Variants in HEXB observed in about 807,000 individuals in gnomAD.
HEXB encodes hexosaminidase subunit beta, also known as beta-hexosaminidase subunit beta.
HEXB carries 51 observed loss-of-function variants against 71.2 expected under a neutral mutation model. That is an observed-to-expected ratio of 0.72 (90% CI 0.57 to 0.90). The LOEUF is 0.90. HEXB is among the 40% of genes least tolerant of loss of function. The pLI is 0.00. For synonymous variants in HEXB, 266 were observed against 249.3 expected (o/e 1.07, Z -0.63); for missense variants, 617 against 677.0 (o/e 0.91, Z 0.98).
At chr5:74,703,321 A>T (rs1338023789) in intron 5 of HEXB, among the ~76,000 whole-genome samples, 4 of 152,312 alleles carry the variant, frequency 2.6e-5, no homozygotes, top group African/African-American at 7.2e-5. Context: ...TGCCTCTTAC[A>T]TCCCTTGCAG....
rs986069370 is a variant in HEXB, at chr5:74,672,453, C to T, written c.-376-16875C>T. On this transcript the variant is annotated intron_variant, in intron 1 of 13. Transcript: ENST00000511181. Reference sequence around the variant, plus strand: ...CTGTAAGTCCTGGTGAGAAGTGAGCCCTCACTCCATGCCCCAGAGTCAGAT... The same window carrying T: ...CTGTAAGTCCTGGTGAGAAGTGAGCTCTCACTCCATGCCCCAGAGTCAGAT... Among the ~76,000 whole-genome samples the T allele has an allele frequency of 3.3e-5, 5 of 152,208 alleles. No individual in the cohort carries two copies. In the South Asian group the frequency reaches 6.2e-4, roughly 19 times the overall value.
At chr5:74,719,923 C>G (rs1164035778) in intron 11 of HEXB, 2 of 151,250 alleles carry the variant, frequency 1.3e-5, no homozygotes, top group Non-Finnish European at 2.8e-5. Context: ...CCTGGGTGAC[C>G]AAGCAAGACT....
At chr5:74,661,002 A>G (rs896605874) in intron 1 of HEXB, among the ~76,000 whole-genome samples, 11 of 152,202 alleles carry the variant, frequency 7.2e-5, no homozygotes, top group Non-Finnish European at 1.6e-4. Context: ...CAAGAAATCC[A>G]TGGGTCAGTG....
chr5:74,676,834 A>T lies in HEXB; in HGVS notation c.-376-12494A>T, dbSNP rs141796317. Among the ~76,000 whole-genome samples, 230 of 152,306 alleles carry T rather than the reference A, an allele frequency of 1.5e-3. 1 individual carries two copies. The highest frequency in any genetic ancestry group is 5.3e-3 in the African/African-American group (221 of 41,574). On this transcript the variant is annotated intron_variant, in intron 1 of 13. Coordinates refer to the HEXB transcript ENST00000511181. ...TAGTTGTTTATCCAGAATTTACATTAAAATAACATAAGCTATTGATTGGCT... is the reference window on the plus strand; with the variant it reads ...TAGTTGTTTATCCAGAATTTACATTTAAATAACATAAGCTATTGATTGGCT...
At chr5:74,683,054 T>C (rs958754899), upstream of HEXB, among the ~76,000 whole-genome samples, 3 of 152,142 alleles carry the variant, frequency 2.0e-5, no homozygotes, top group Admixed American at 2.0e-4. Flanking sequence ...ATCAACCTAA[T>C]GGTAATAGAG....
At chr5:74,712,436 TAAAA>T (rs763101911) in intron 6 of HEXB, among the ~76,000 whole-genome samples, 1 of 115,218 alleles carries the variant, frequency 8.7e-6, no homozygotes, top group Non-Finnish European at 1.9e-5. Flanking sequence ...ATGATAATAA[TAAAA>T]AAAAGAAATG....
At chr5:74,682,960 C>G (rs1748767029), upstream of HEXB, among the ~76,000 whole-genome samples, 1 of 152,082 alleles carries the variant, frequency 6.6e-6, no homozygotes, top group Non-Finnish European at 1.5e-5. Flanking sequence ...GCTCAAAGAC[C>G]CAGGAAAAGC....
rs555559350 is a variant in HEXB, at chr5:74,709,841, C to T, written c.772-3665C>T. The stretch of plus-strand genomic sequence containing the variant: ...GTCCAGGACCAGATGGATTCACAGC[C>T]GAATTCTACCAGAGGTACAAGGAGG... On this transcript the variant is annotated intron_variant, in intron 6 of 13. Coordinates refer to ENST00000261416, the MANE Select transcript of HEXB (RefSeq NM_000521.4). Among the ~76,000 whole-genome samples the T allele has an allele frequency of 2.3e-4, 35 of 152,200 alleles. No individual in the cohort carries two copies. In the East Asian group the frequency reaches 5.8e-3, roughly 25 times the overall value.
At chr5:74,688,541 C>T (rs1487799482) in intron 1 of HEXB, among the ~76,000 whole-genome samples, 1 of 152,066 alleles carries the variant, frequency 6.6e-6, no homozygotes, top group East Asian at 1.9e-4. Context: ...TTTTTAGTTT[C>T]ACTATGTGGG....
intron 6 of HEXB, among the ~76,000 whole-genome samples, chr5:74,712,553 A>T (rs1749573980): frequency 6.6e-6 from 1 of 152,090 alleles, no homozygotes; most frequent in Non-Finnish European, 1.5e-5. Flanking sequence ...AAGCTCCATA[A>T]TTGTGGTGAG....
chr5:74,657,726 C>A (rs1299340695), intron 1 of HEXB, among the ~76,000 whole-genome samples: 1 of 152,134 alleles, frequency 6.6e-6, no homozygotes, highest in East Asian at 1.9e-4. Context: ...ACACTTGACG[C>A]TTGTTATTTG....
chr5:74,717,782 C>T lies in HEXB; in HGVS notation c.1170-509C>T, dbSNP rs372736417. ...ATGCTGTACCATTTATTTGGCAAGC[C>T]CAGATTCCAGCCTTTGCCTGTTCAG... On this transcript the variant is annotated intron_variant, in intron 9 of 13. Transcript: ENST00000261416. 9.9e-5 allele frequency among the ~76,000 whole-genome samples: 15 copies of T among 152,232 alleles called. No individual in the cohort carries two copies. The East Asian group carries it at 2.5e-3, about 26-fold the overall frequency.
intron 6 of HEXB, among the ~76,000 whole-genome samples, chr5:74,709,701 A>C (rs1442912248): frequency 6.6e-6 from 1 of 152,298 alleles, no homozygotes; most frequent in Non-Finnish European, 1.5e-5. Context: ...GAAATGGATA[A>C]ATTCCTCCAC....
intron 2 of HEXB, among the ~76,000 whole-genome samples, chr5:74,691,364 A>G (rs904655416): frequency 6.6e-6 from 1 of 152,372 alleles, no homozygotes; most frequent in East Asian, 1.9e-4. Context: ...ACATAAATCA[A>G]GGATGTTTGA....
At chr5:74,691,985 T>C (rs1749013459) in intron 2 of HEXB, among the ~76,000 whole-genome samples, 3 of 152,198 alleles carry the variant, frequency 2.0e-5, no homozygotes, top group African/African-American at 7.2e-5. Context: ...AAACCAAATT[T>C]CTAATTGTTA....
At chr5:74,672,162 A>G (rs751443496) in intron 1 of HEXB, among the ~76,000 whole-genome samples, 2 of 152,140 alleles carry the variant, frequency 1.3e-5, no homozygotes, top group Non-Finnish European at 2.9e-5. Context: ...TGAACTGTCA[A>G]AGTGGTCACC....
At chr5:74,716,005 A>G (rs1749662692) in intron 8 of HEXB, among the ~76,000 whole-genome samples, 1 of 122,998 alleles carries the variant, frequency 8.1e-6, no homozygotes, top group East Asian at 2.4e-4. Flanking sequence ...TGACAGAGTG[A>G]GACTCCATCT....
In HEXB at chr5:74,670,488, C is replaced by T. The variant is rs142204628; in HGVS notation, c.-376-18840C>T. 2.8e-4 allele frequency among the ~76,000 whole-genome samples: 43 copies of T among 152,280 alleles called. 1 individual carries two copies. The highest frequency in any genetic ancestry group is 6.8e-3 in the Middle Eastern group (2 of 294). On this transcript the variant is annotated intron_variant, in intron 1 of 13. Transcript: ENST00000511181. The stretch of plus-strand genomic sequence containing the variant: ...ACAAGAACCCAAGACCCACCAAATG[C>T]GAATACACAGAAGGCTGTACTACTG...
At chr5:74,707,987 G>C (rs1341320635) in intron 6 of HEXB, among the ~76,000 whole-genome samples, 1 of 151,970 alleles carries the variant, frequency 6.6e-6, no homozygotes, top group Non-Finnish European at 1.5e-5. Context: ...ACACATAATT[G>C]TCAGATTCAC....
Sources: gnomAD v4.1 joint callset for allele counts (sites outside exome capture counted in the v4.1 genomes callset) on GRCh38, gnomAD v4.1.1 for gene constraint, MANE v1.5 for transcripts, NCBI Gene and HGNC (gene_info 2026-07-23, HGNC 2026-07-21) for gene names.